Variants in ZNF677 observed in about 807,000 individuals in gnomAD.
ZNF677 encodes zinc finger protein 677.
ZNF677 carries 5 observed loss-of-function variants against 8.1 expected under a neutral mutation model. The ratio of observed to expected loss-of-function variants is 0.62; its 90% CI spans 0.32 to 1.29. The LOEUF (loss-of-function observed/expected upper bound fraction) is 1.29, where lower values mean the gene tolerates loss of function less well. Among genes scored for constraint, ZNF677 ranks in the 50% most tolerant of loss-of-function variants. ZNF677 has a pLI of 0.05. For synonymous variants in ZNF677, 221 were observed against 225.6 expected (o/e 0.98, Z 0.18); for missense variants, 685 against 685.9 (o/e 1.00, Z 0.01).
intron 4 of ZNF677, chr19:53,240,622 T>C (rs548015057): frequency 5.9e-5 from 9 of 152,312 alleles, no homozygotes; most frequent in African/African-American, 1.7e-4. Flanking sequence ...TCCAACTATA[T>C]GACATTCTGA....
At chr19:53,249,054 C>CTCTA (rs1259107839) in intron 3 of ZNF677, 1 of 152,138 alleles carries the variant, frequency 6.6e-6, no homozygotes, top group Non-Finnish European at 1.5e-5. Flanking sequence ...TATTCTGTCA[C>CTCTA]TCTACTCTTG....
rs10425706 is a variant in ZNF677 at position 53,237,966 on chromosome 19, C to T, written c.761G>A (p.Gly254Glu). The change falls in exon 5 of 5, where the codon GGG becomes GAG. Residue 254 changes from glycine to glutamate, a missense_variant. Transcript: ENST00000598513. The stretch of plus-strand genomic sequence containing the variant: ...TGATTTTTCTCTAATGTGTGTTCTC[C>T]CATACTGTGTATGTAATAAAGGGTA... ...LKYPLLHTQY[G>E]RTHIREKSYK... The T allele has an allele frequency of 7.4e-3, 11,873 of 1,612,470 alleles. 764 individuals are homozygous for T. In the African/African-American group the frequency reaches 0.13, roughly 18 times the overall value.
intron 3 of ZNF677, among the ~76,000 whole-genome samples, chr19:53,245,751 C>T (rs1226834932): frequency 6.6e-6 from 1 of 152,210 alleles, no homozygotes; most frequent in Admixed American, 6.5e-5. Context: ...CAGTGGCTCA[C>T]ACCTGTAATC....
At chr19:53,246,851 CAGT>C (rs1008336267) in intron 3 of ZNF677, among the ~76,000 whole-genome samples, 1 of 151,974 alleles carries the variant, frequency 6.6e-6, no homozygotes, top group Non-Finnish European at 1.5e-5. Context: ...TTTGTTAAGA[CAGT>C]AGTTCTTAGG....
At chr19:53,252,709 A>G (rs972951291) in intron 2 of ZNF677, among the ~76,000 whole-genome samples, 2 of 152,168 alleles carry the variant, frequency 1.3e-5, no homozygotes, top group African/African-American at 4.8e-5. Context: ...AAAATTCCAC[A>G]CCAATCCAGG....
intron 4 of ZNF677, chr19:53,243,345 T>C (rs2914380): frequency 0.71 from 179,617 of 252,718 alleles, 64,742 homozygotes; most frequent in African/African-American, 0.81. Context: ...ACATTACACA[T>C]GGGTCTGCAA....
intron 3 of ZNF677, among the ~76,000 whole-genome samples, chr19:53,244,741 T>TAA (rs1339083081): frequency 1.3e-5 from 2 of 152,122 alleles, no homozygotes; most frequent in African/African-American, 4.8e-5. Flanking sequence ...TACAAAAATA[T>TAA]AAGAAATAAT....
chr19:53,242,057 G>A (rs1286590248), intron 4 of ZNF677: 9 of 393,662 alleles, frequency 2.3e-5, no homozygotes, highest in Admixed American at 8.9e-5. Flanking sequence ...TCAGCCTCCC[G>A]AGCAGCTGGT....
Position 53,243,781 on chromosome 19 carries a change from C to G in ZNF677, c.132G>C (p.Leu44=). The change falls in exon 4 of 5, where the codon CTG becomes CTC. Residue 44 remains leucine, a synonymous_variant. Coordinates refer to ENST00000598513, the MANE Select transcript of ZNF677 (RefSeq NM_182609.4). ...GGATGTTATCCTCATCGAGAGAAAG[C>G]AGGTTCCTGTAGTTCTCCAACATCA... The part of the protein sequence containing the change: ...RDVMLENYRN[L]LSLDEDNIPP... 6.2e-7 allele frequency: 1 copy of G among 1,614,192 alleles called. No homozygotes were observed. Among genetic ancestry groups the G allele is most frequent in the Non-Finnish European group, 8.5e-7 (1 of 1,180,034 alleles).
chr19:53,238,357 A>C lies in ZNF677; in HGVS notation c.370T>G (p.Cys124Gly). The change falls in exon 5 of 5, where the codon TGT becomes GGT. Residue 124 changes from cysteine to glycine, a missense_variant. Physicochemically the swap from Cys to Gly is radical, Grantham distance 159 (BLOSUM62 -3). Transcript: ENST00000598513. ...VKNYKGMPLT[C>G]NKNLTHRKDQ... is the part of the protein sequence containing the mutation. The stretch of plus-strand genomic sequence containing the variant: ...TTTCTGTGAGTGAGATTTTTGTTAC[A>C]GGTCAAAGGCATTCCTTTGTAATTT... 5 of 1,612,594 alleles carry C rather than the reference A, an allele frequency of 3.1e-6. No individual in the cohort carries two copies. The highest frequency in any genetic ancestry group is 3.4e-6 in the Non-Finnish European group (4 of 1,179,486).
At position 53,236,791 on chromosome 19, in the gene ZNF677, G is replaced by T; in HGVS notation, c.*181C>A. On this transcript the variant is annotated 3_prime_UTR_variant, in exon 5 of 5. Transcript: ENST00000598513. The stretch of plus-strand genomic sequence containing the variant: ...ATTATATTTGTAAGGCTTCTCTACA[G>T]TAAGAATTCTATGATGTTCCACAAG... 1.9e-6 allele frequency: 1 copy of T among 515,882 alleles called. No individual in the cohort carries two copies. The highest frequency in any genetic ancestry group is 3.3e-6 in the Non-Finnish European group (1 of 303,000). 32.0% of individuals were successfully genotyped at this position (515,882 alleles called of 1,614,324 possible).
At position 53,235,589 on chromosome 19, in the gene ZNF677, CTG is replaced by C. The variant is rs1376419199; in HGVS notation, c.*1381_*1382del. ...ATAAGACCTATCTATGTTCAATAAT[CTG>C]TGATATGCAACAGTAACTACCTTTC... is the stretch of plus-strand genomic sequence containing the variant. On this transcript the variant is annotated 3_prime_UTR_variant, in exon 5 of 5. Coordinates refer to ENST00000598513, the MANE Select transcript of ZNF677 (RefSeq NM_182609.4). The C allele has an allele frequency of 1.3e-5, 2 of 152,138 alleles. No individual in the cohort carries two copies. Among genetic ancestry groups the C allele is most frequent in the African/African-American group, 2.4e-5 (1 of 41,422 alleles). 9.4% of individuals were successfully genotyped at this position (152,138 alleles called of 1,614,324 possible).
intron 3 of ZNF677, among the ~76,000 whole-genome samples, chr19:53,246,407 T>C (rs1468332073): frequency 6.6e-6 from 1 of 151,530 alleles, no homozygotes; most frequent in East Asian, 1.9e-4. Context: ...GATAGGTACT[T>C]CCATATCTAT....
At position 53,251,618 on chromosome 19, in the gene ZNF677, A is replaced by T. The variant is rs138863940; in HGVS notation, c.-55-13T>A. 619 of 1,606,188 alleles carry T rather than the reference A, an allele frequency of 3.9e-4. 3 individuals carry two copies. The African/African-American group carries it at 7.3e-3, about 19-fold the overall frequency. On this transcript the variant is annotated splice_polypyrimidine_tract_variant and intron_variant, in intron 2 of 4. Coordinates refer to ENST00000598513, the MANE Select transcript of ZNF677 (RefSeq NM_182609.4). ...CAGGTAAGTCAGTCTGTATGTCAAA[A>T]ATATGTTGTTTAATGCTTAAAATCA... is the stretch of plus-strand genomic sequence containing the variant.
chr19:53,237,209 C>T lies in ZNF677; in HGVS notation c.1518G>A (p.Lys506=), dbSNP rs774390934. The change falls in exon 5 of 5, where the codon AAG becomes AAA. Residue 506 remains lysine, a synonymous_variant. Coordinates refer to ENST00000598513, the MANE Select transcript of ZNF677 (RefSeq NM_182609.4). Reference sequence around the variant, plus strand: ...AAGGTTTCTCTCCAGTATGGATTTTCTTATGCTGAGTAAGATTTGAACGTT... The same window carrying T: ...AAGGTTTCTCTCCAGTATGGATTTTTTTATGCTGAGTAAGATTTGAACGTT... The part of the protein sequence containing the change: ...FTERSNLTQH[K]KIHTGEKPYK... The T allele has an allele frequency of 9.3e-6, 15 of 1,612,668 alleles. 1 individual carries two copies. The highest frequency in any genetic ancestry group is 1.3e-5 in the Non-Finnish European group (15 of 1,179,080).
chr19:53,243,969 A>T, intron 3 of ZNF677, 72 bp from the exon 4 acceptor site: 1 of 1,418,110 alleles, frequency 7.1e-7, no homozygotes, highest in Non-Finnish European at 9.6e-7. Context: ...GGCAGAAAAG[A>T]GGTGTACATA....
chr19:53,239,989 A>C (rs1249241428), intron 4 of ZNF677: 1 of 152,240 alleles, frequency 6.6e-6, no homozygotes. Context: ...GTGTAGGAAG[A>C]AATGTTTCAA....
chr19:53,254,352 G>C (rs2091281863), intron 1 of ZNF677, among the ~76,000 whole-genome samples: 1 of 152,074 alleles, frequency 6.6e-6, no homozygotes, highest in African/African-American at 2.4e-5. Context: ...TTCTCTGACA[G>C]AGTGTTTGGC....
intron 3 of ZNF677, among the ~76,000 whole-genome samples, chr19:53,244,416 A>G (rs779731822): frequency 6.6e-6 from 1 of 152,198 alleles, no homozygotes; most frequent in Non-Finnish European, 1.5e-5. Context: ...GGCATTTAGT[A>G]CATTCACAAA....
Sources: gnomAD v4.1 joint callset for allele counts (sites outside exome capture counted in the v4.1 genomes callset) on GRCh38, gnomAD v4.1.1 for gene constraint, MANE v1.5 for transcripts, NCBI Gene and HGNC (gene_info 2026-07-23, HGNC 2026-07-21) for gene names.